The following CORO2B variants were observed in gnomAD, a reference collection of about 807,000 sequenced individuals.
CORO2B encodes coronin 2B.
A neutral mutation model predicts 58.8 loss-of-function variants in CORO2B; 26 were observed. The ratio of observed to expected loss-of-function variants is 0.44; its 90% CI spans 0.32 to 0.61. The LOEUF (loss-of-function observed/expected upper bound fraction) is 0.61. Among genes scored for constraint, CORO2B ranks in the 20% least tolerant of loss-of-function variants. The pLI, the probability that CORO2B is intolerant of heterozygous loss-of-function variation, is 0.04. For missense variants in CORO2B, 460 were observed against 645.1 expected (o/e 0.71, Z 3.11); for synonymous variants, 242 against 253.8 (o/e 0.95, Z 0.44).
intron 1 of CORO2B, among the ~76,000 whole-genome samples, chr15:68,639,354 AAG>A (rs1363738826): frequency 6.6e-6 from 1 of 152,206 alleles, no homozygotes; most frequent in Non-Finnish European, 1.5e-5. Flanking sequence ...TAACTGGAGA[AAG>A]AAAACATGCA....
chr15:68,587,921 G>A (rs1218161896), intron 1 of CORO2B, among the ~76,000 whole-genome samples: 2 of 152,192 alleles, frequency 1.3e-5, no homozygotes, highest in African/African-American at 2.4e-5. Context: ...TCCAGAGCAT[G>A]GGACCTGGAG....
chr15:68,710,959 T>A lies in CORO2B; in HGVS notation c.483+78T>A. The A allele has an allele frequency of 1.4e-6, 2 of 1,423,606 alleles. No individual in the cohort carries two copies. Among genetic ancestry groups the A allele is most frequent in the Non-Finnish European group, 1.9e-6 (2 of 1,065,352 alleles). 88.2% of individuals were successfully genotyped at this position (1,423,606 alleles called of 1,614,324 possible). On this transcript the variant is annotated intron_variant, in intron 4 of 11. Transcript: ENST00000261861. The surrounding 1 kb of genome is among the most constrained non-coding windows in gnomAD (Gnocchi z 4.1). Reference sequence around the variant, plus strand: ...CCTTTTGGGTACCCGTAGGAAGCACTGTTGCTTCCTAAGCAACCAATATGG... The same window carrying A: ...CCTTTTGGGTACCCGTAGGAAGCACAGTTGCTTCCTAAGCAACCAATATGG...
At chr15:68,541,497 A>G in the CORO2B span, among the ~76,000 whole-genome samples, 23 of 152,234 alleles carry the variant, frequency 1.5e-4, no homozygotes, top group South Asian at 3.3e-3. Context: ...TCATCATACA[A>G]CACAAGGTGA....
chr15:68,588,760 G>A (rs1899629368), intron 1 of CORO2B, among the ~76,000 whole-genome samples: 1 of 152,208 alleles, frequency 6.6e-6, no homozygotes, highest in Admixed American at 6.5e-5. Context: ...CTGGAATCTG[G>A]TAGAATCCAG....
chr15:68,717,747 C>T (rs941957239), intron 8 of CORO2B, among the ~76,000 whole-genome samples: 3 of 152,246 alleles, frequency 2.0e-5, no homozygotes, highest in African/African-American at 7.2e-5. Context: ...AACCATTTCA[C>T]CCCTTACCTC....
intron 2 of CORO2B, among the ~76,000 whole-genome samples, chr15:68,650,356 TAAAAAAAAAAAAAAAAAAAAAA>T (rs532431600): frequency 8.1e-5 from 7 of 86,086 alleles, no homozygotes; most frequent in South Asian, 8.3e-4. Context: ...AAACTCTGTC[TAAAAAAAAAAAAAAAAAAAAAA>T]AAAAAAAAAA....
At chr15:68,696,990 T>C (rs901537976) in intron 3 of CORO2B, among the ~76,000 whole-genome samples, 1 of 152,244 alleles carries the variant, frequency 6.6e-6, no homozygotes, top group Non-Finnish European at 1.5e-5. Flanking sequence ...GACTGGACTG[T>C]GAGCTCCTGG....
the CORO2B span, among the ~76,000 whole-genome samples, chr15:68,552,426 G>C: frequency 8.0e-6 from 1 of 125,532 alleles, no homozygotes; most frequent in African/African-American, 3.0e-5. Context: ...AATCTAGAAA[G>C]GGCATAAAAC....
At chr15:68,657,196 A>G (rs1305421639) in intron 2 of CORO2B, among the ~76,000 whole-genome samples, 3 of 152,174 alleles carry the variant, frequency 2.0e-5, no homozygotes, top group Non-Finnish European at 4.4e-5. Flanking sequence ...TAAGTATACA[A>G]AATAGGATTA....
At chr15:68,636,368 C>T (rs929711672) in intron 1 of CORO2B, among the ~76,000 whole-genome samples, 4 of 152,312 alleles carry the variant, frequency 2.6e-5, no homozygotes, top group Middle Eastern at 3.4e-3. Context: ...TGCAGGGATT[C>T]AGGGCAGAGG....
chr15:68,627,255 G>A (rs1469281798), intron 1 of CORO2B, among the ~76,000 whole-genome samples: 2 of 152,124 alleles, frequency 1.3e-5, no homozygotes, highest in African/African-American at 4.8e-5. Context: ...CTCGTATGAG[G>A]GATTCAGAAA....
chr15:68,719,100 C>A, intron 9 of CORO2B, 44 bp from the exon 10 acceptor site: 1 of 1,460,314 alleles, frequency 6.8e-7, no homozygotes, highest in Non-Finnish European at 9.6e-7. Flanking sequence ...GGGGCTTTCC[C>A]AGCAGCCCCC....
At chr15:68,719,694 GGCTTCTGAT>G in intron 11 of CORO2B, 142 bp downstream of exon 11, 7 of 947,138 alleles carry the variant, frequency 7.4e-6, no homozygotes, top group Non-Finnish European at 1.1e-5. Context: ...GCCTGATATT[GGCTTCTGAT>G]GCTTCTGACC....
chr15:68,647,205 C>A (rs1901462038), intron 2 of CORO2B, among the ~76,000 whole-genome samples: 1 of 152,112 alleles, frequency 6.6e-6, no homozygotes, highest in African/African-American at 2.4e-5. Flanking sequence ...CCTAAGAAAG[C>A]CAGGAATCCC....
chr15:68,570,978 T>C, the CORO2B span, among the ~76,000 whole-genome samples: 1 of 152,074 alleles, frequency 6.6e-6, no homozygotes, highest in Non-Finnish European at 1.5e-5. Context: ...TTTTTGATGA[T>C]GGCACAAAGC....
At chr15:68,629,218 G>A (rs77856019) in intron 1 of CORO2B, among the ~76,000 whole-genome samples, 36 of 152,252 alleles carry the variant, frequency 2.4e-4, no homozygotes, top group Non-Finnish European at 7.3e-5. Flanking sequence ...TCTGAGAAAA[G>A]CATTTAGATC....
chr15:68,689,307 C>T (rs1892299238), intron 2 of CORO2B, among the ~76,000 whole-genome samples: 1 of 151,866 alleles, frequency 6.6e-6, no homozygotes, highest in Non-Finnish European at 1.5e-5. Context: ...AACCAGATGG[C>T]AGGTTAGAGC....
chr15:68,578,268 A>C (rs979254775), upstream of CORO2B, among the ~76,000 whole-genome samples: 2 of 152,174 alleles, frequency 1.3e-5, no homozygotes, highest in Non-Finnish European at 2.9e-5. This position sits in a 1 kb window ranked among gnomAD's most constrained non-coding sequence, Gnocchi z 4.2. Context: ...GGCAGCTTCT[A>C]TAACAAGAGG....
intron 1 of CORO2B, among the ~76,000 whole-genome samples, chr15:68,622,511 T>C (rs1900555728): frequency 6.6e-6 from 1 of 152,246 alleles, no homozygotes; most frequent in Non-Finnish European, 1.5e-5. Context: ...ACATCTGTGC[T>C]AAGTGACCTC....
Sources: allele counts gnomAD v4.1 joint callset (sites outside exome capture counted in the v4.1 genomes callset), GRCh38; gene constraint gnomAD v4.1.1; non-coding constraint Gnocchi (gnomAD v3.1); transcripts MANE v1.5; gene names NCBI Gene and HGNC (gene_info 2026-07-23, HGNC 2026-07-21).